WDR44: variants seen among roughly 807,000 people sequenced by gnomAD.
WDR44 encodes WD repeat domain 44.
In WDR44, 9 loss-of-function variants were observed where a neutral mutation model predicts 65.7. The observed-to-expected ratio is 0.14, with a 90% CI of 0.08 to 0.24. WDR44 has a LOEUF of 0.24. Ranked by LOEUF, WDR44 falls within the 10% of genes least tolerant of loss-of-function variation. The pLI is 1.00. For synonymous variants in WDR44, 220 were observed against 235.2 expected (o/e 0.94, Z 0.59); for missense variants, 425 against 670.9 (o/e 0.63, Z 4.05).
chrX:118,418,726 T>G (rs1377931280), intron 12 of WDR44, among the ~76,000 whole-genome samples: 1 of 110,627 alleles, frequency 9.0e-6, no homozygotes, highest in Non-Finnish European at 1.9e-5. Flanking sequence ...GAAATGGTGG[T>G]GGGTGGGGCC....
chrX:118,357,460 C>G (rs747055490), intron 1 of WDR44, among the ~76,000 whole-genome samples: 2 of 111,902 alleles, frequency 1.8e-5, no homozygotes, highest in East Asian at 5.6e-4. Flanking sequence ...AGAAGGAAAA[C>G]AAGAAATCTT....
chrX:118,357,792 T>C lies in WDR44; in HGVS notation c.77+11212T>C, dbSNP rs760162931. Among the ~76,000 whole-genome samples the C allele has an allele frequency of 7.3e-5, 8 of 109,521 alleles. No homozygotes were observed. The South Asian group carries it at 3.2e-3, about 44-fold the overall frequency. ...CCAGCTAGGTGGGCGTAGAGGGGGA[T>C]TACTGGAGCCCAAGAATTCAAGGCT... is the stretch of plus-strand genomic sequence containing the variant. On this transcript the variant is annotated intron_variant, in intron 1 of 19. Transcript: ENST00000254029.
At chrX:118,422,888 A>C (rs1299408302) in intron 12 of WDR44, among the ~76,000 whole-genome samples, 1 of 111,516 alleles carries the variant, frequency 9.0e-6, no homozygotes, top group Non-Finnish European at 1.9e-5. Flanking sequence ...CAACAATTTC[A>C]CACAGTCATA....
At chrX:118,444,526 A>T (rs750005185) in intron 19 of WDR44, 32 bp downstream of exon 19, 1 of 1,195,046 alleles carries the variant, frequency 8.4e-7, no homozygotes, top group African/African-American at 1.8e-5. Context: ...ATTTTTTTCT[A>T]GTCAGCACTT....
intron 9 of WDR44, among the ~76,000 whole-genome samples, chrX:118,406,154 G>A (rs1300224696): frequency 8.9e-6 from 1 of 111,740 alleles, no homozygotes; most frequent in Non-Finnish European, 1.9e-5. Context: ...TACGTGAAAG[G>A]ATGTGCATAG....
chrX:118,364,106 C>CA (rs749923038), intron 1 of WDR44, among the ~76,000 whole-genome samples: 21 of 112,092 alleles, frequency 1.9e-4, no homozygotes, highest in Admixed American at 1.7e-3. Flanking sequence ...ATTCCTGGAA[C>CA]AAAAAATCAG....
intron 12 of WDR44, among the ~76,000 whole-genome samples, chrX:118,427,926 C>T (rs1329937781): frequency 2.7e-5 from 3 of 109,831 alleles, no homozygotes; most frequent in Non-Finnish European, 5.7e-5. Context: ...CTGCCCGCCT[C>T]GGCCTCCCAA....
rs190895311 is a variant in WDR44 at position 118,381,293 on chromosome X, A to G, written c.111+2841A>G. On this transcript the variant is annotated intron_variant, in intron 2 of 19. Transcript: ENST00000254029. The stretch of plus-strand genomic sequence containing the variant: ...AGACCAGCCTGGCCAACATGGTGAA[A>G]CTCCATCTTTACTGAAAATACAAAA... 1.4e-3 allele frequency among the ~76,000 whole-genome samples: 153 copies of G among 110,666 alleles called. 1 individual carries two copies. The highest frequency in any genetic ancestry group is 4.8e-3 in the African/African-American group (147 of 30,487).
intron 14 of WDR44, among the ~76,000 whole-genome samples, chrX:118,438,030 TA>T (rs775585860): frequency 1.2e-3 from 108 of 86,663 alleles, no homozygotes; most frequent in Non-Finnish European, 1.1e-3. Context: ...TGTCTCAAAA[TA>T]AAAAAAAAAA....
chrX:118,384,534 T>C (rs2056748957), intron 2 of WDR44, among the ~76,000 whole-genome samples: 1 of 112,028 alleles, frequency 8.9e-6, no homozygotes, highest in Non-Finnish European at 1.9e-5. Context: ...TCTATTGGTC[T>C]GTGTGTCTCT....
rs1225578691 is a variant in WDR44 at position 118,392,850 on chromosome X, A to G, written c.405A>G (p.Leu135=). 5.8e-6 allele frequency: 7 copies of G among 1,210,898 alleles called. No homozygotes were observed. The highest frequency in any genetic ancestry group is 1.7e-5 in the African/African-American group (1 of 57,431). ...ESQNTFEETE[L]ELKKCFPSDE... ...AGAATACATTTGAAGAGACTGAATT[A>G]GAATTAAAAAAATGCTTTCCTTCTG... The change falls in exon 4 of 20, where the codon TTA becomes TTG. Residue 135 remains leucine, a synonymous_variant. Transcript: ENST00000254029.
At chrX:118,446,323 G>T (rs1049797763) in intron 19 of WDR44, among the ~76,000 whole-genome samples, 2 of 110,737 alleles carry the variant, frequency 1.8e-5, no homozygotes, top group Non-Finnish European at 3.8e-5. Context: ...GTATGTACCT[G>T]TAATCCCGGG....
intron 19 of WDR44, among the ~76,000 whole-genome samples, chrX:118,448,552 C>T (rs1157617968): frequency 8.9e-6 from 1 of 111,806 alleles, no homozygotes; most frequent in Non-Finnish European, 1.9e-5. Flanking sequence ...AGTCCTGGGG[C>T]TGAATGACAC....
At chrX:118,378,286 G>C (rs928155928) in intron 1 of WDR44, 133 bp from the exon 2 acceptor site, 1 of 517,841 alleles carries the variant, frequency 1.9e-6, no homozygotes, top group Non-Finnish European at 3.2e-6. Context: ...CATTTTCTAC[G>C]TGCACACAAG....
At chrX:118,420,766 T>A (rs2057098218) in intron 12 of WDR44, among the ~76,000 whole-genome samples, 1 of 112,656 alleles carries the variant, frequency 8.9e-6, no homozygotes, top group Non-Finnish European at 1.9e-5. Context: ...AAGCCCTACT[T>A]ATCCTTCAAG....
At chrX:118,368,483 T>TATATATATATATATATATATA (rs1569359132) in intron 1 of WDR44, among the ~76,000 whole-genome samples, 3 of 87,659 alleles carry the variant, frequency 3.4e-5, no homozygotes, top group African/African-American at 5.0e-5. Context: ...ATATATATAC[T>TATATATATATATATATATATA]TCTTGAGGAC....
At chrX:118,355,244 A>G (rs914901094) in intron 1 of WDR44, among the ~76,000 whole-genome samples, 2 of 111,903 alleles carry the variant, frequency 1.8e-5, no homozygotes, top group African/African-American at 6.5e-5. Flanking sequence ...AGCATAGTCA[A>G]TGTCATTAGT....
rs758916588 is a variant in WDR44 at position 118,393,043 on chromosome X, A to G, written c.598A>G (p.Thr200Ala). The G allele has an allele frequency of 1.7e-6, 2 of 1,211,992 alleles. No homozygotes were observed. Among genetic ancestry groups the G allele is most frequent in the Non-Finnish European group, 2.2e-6 (2 of 895,575 alleles). ...LEPVSSDSLS[T>A]KDFAAVEEVA... The stretch of plus-strand genomic sequence containing the variant: ...GCCTGTGTCCTCAGACTCCTTATCT[A>G]CTAAAGATTTTGCCGCTGTGGAAGA... Residue 200 changes from threonine (T) to alanine (A), a missense_variant, in exon 4 of 20, where the codon ACT (threonine) becomes GCT (alanine). Coordinates refer to ENST00000254029, the MANE Select transcript of WDR44 (RefSeq NM_019045.5).
intron 12 of WDR44, among the ~76,000 whole-genome samples, chrX:118,424,337 A>ATG (rs1489974289): frequency 0.037 from 3,280 of 89,219 alleles, 90 homozygotes; most frequent in Non-Finnish European, 0.056. Context: ...ATATATATAT[A>ATG]TATATATATA....
Sources: gnomAD v4.1 joint callset for allele counts (sites outside exome capture counted in the v4.1 genomes callset) on GRCh38, gnomAD v4.1.1 for gene constraint, MANE v1.5 for transcripts, NCBI Gene and HGNC (gene_info 2026-07-23, HGNC 2026-07-21) for gene names.